KALRN: variants seen among roughly 807,000 people sequenced by gnomAD.
KALRN encodes kalirin.
Under a neutral mutation model 353.7 loss-of-function variants are expected in KALRN, and 70 were observed. The ratio of observed to expected loss-of-function variants is 0.20; its 90% CI spans 0.16 to 0.24. The LOEUF (loss-of-function observed/expected upper bound fraction) is 0.24. Among genes scored for constraint, KALRN ranks in the 10% least tolerant of loss-of-function variants. The pLI, the probability that KALRN is intolerant of heterozygous loss-of-function variation, is 1.00. For missense variants in KALRN, 2,791 were observed against 3,756.7 expected, an observed-to-expected ratio of 0.74 and a Z score of 6.72; for synonymous variants, 1,391 against 1,434.8, an observed-to-expected ratio of 0.97 and a Z score of 0.69.
chr3:124,243,890 C>T (rs2080806110), intron 3 of KALRN, among the ~76,000 whole-genome samples: 3 of 152,174 alleles, frequency 2.0e-5, no homozygotes, highest in African/African-American at 7.2e-5. Flanking sequence ...TCTTTCCCTT[C>T]CCTTGCTTGA....
intron 1 of KALRN, among the ~76,000 whole-genome samples, chr3:124,117,964 A>G (rs1322724818): frequency 6.6e-6 from 1 of 152,214 alleles, no homozygotes; most frequent in Admixed American, 6.5e-5. Context: ...TAAAAATTTT[A>G]GAAATGACAT....
intron 10 of KALRN, among the ~76,000 whole-genome samples, chr3:124,380,893 TGAG>T: frequency 6.6e-6 from 1 of 152,290 alleles, no homozygotes; most frequent in East Asian, 1.9e-4. Flanking sequence ...AGGTAGTTGA[TGAG>T]GAGTGAGGGT....
chr3:124,230,656 C>G (rs779661634), intron 2 of KALRN, among the ~76,000 whole-genome samples: 12 of 152,028 alleles, frequency 7.9e-5, no homozygotes, highest in African/African-American at 1.2e-4. Context: ...TAGCTCTCCC[C>G]CATTTGCCAG....
chr3:124,616,252 C>G (rs187992287), intron 34 of KALRN, among the ~76,000 whole-genome samples: 27 of 152,280 alleles, frequency 1.8e-4, no homozygotes, highest in Admixed American at 1.6e-3. Context: ...CTCTTCCCCC[C>G]AGCCTCTATA....
At chr3:124,300,976 G>A (rs1362701256) in intron 6 of KALRN, among the ~76,000 whole-genome samples, 1 of 152,208 alleles carries the variant, frequency 6.6e-6, no homozygotes, top group Admixed American at 6.5e-5. Flanking sequence ...ATCTAGTCAA[G>A]TCTGATTATT....
chr3:124,052,443 A>G (rs2041130549), intron 1 of KALRN, among the ~76,000 whole-genome samples: 1 of 152,046 alleles, frequency 6.6e-6, no homozygotes, highest in African/African-American at 2.4e-5. Context: ...TCCAAGGTAC[A>G]GGGAGGACTA....
intron 21 of KALRN, among the ~76,000 whole-genome samples, chr3:124,449,759 G>A (rs2058597092): frequency 6.6e-6 from 1 of 152,160 alleles, no homozygotes; most frequent in Non-Finnish European, 1.5e-5. Flanking sequence ...CTATGGGTTT[G>A]CCTGTTTGGG....
chr3:124,204,599 G>T (rs2076243932), intron 1 of KALRN, among the ~76,000 whole-genome samples: 248 of 140,442 alleles, frequency 1.8e-3, no homozygotes, highest in East Asian at 5.0e-3. Flanking sequence ...GTAGATCAAA[G>T]AAAAAAATTC....
At chr3:124,350,780 C>T (rs894559002) in intron 10 of KALRN, among the ~76,000 whole-genome samples, 2 of 152,184 alleles carry the variant, frequency 1.3e-5, no homozygotes, top group African/African-American at 4.8e-5. Flanking sequence ...AGAGTTCTAA[C>T]TTCCAAAAGG....
chr3:124,189,611 T>C (rs2074653814), intron 1 of KALRN, among the ~76,000 whole-genome samples: 1 of 151,980 alleles, frequency 6.6e-6, no homozygotes, highest in South Asian at 2.1e-4. Context: ...AAGACCAGCC[T>C]GGCCAACATG....
intron 33 of KALRN, among the ~76,000 whole-genome samples, chr3:124,521,681 C>T (rs1422819685): frequency 6.6e-6 from 1 of 152,046 alleles, no homozygotes; most frequent in African/African-American, 2.4e-5. Flanking sequence ...TGAACTAAAT[C>T]CCTCAGGGTG....
chr3:124,366,886 A>C (rs1576326786), intron 10 of KALRN, among the ~76,000 whole-genome samples: 7 of 111,354 alleles, frequency 6.3e-5, no homozygotes, highest in South Asian at 3.0e-4. Context: ...CGGGGGGCTG[A>C]CCCCCCCACC....
chr3:124,529,793 G>GAA (rs372015719), intron 33 of KALRN, among the ~76,000 whole-genome samples: 104 of 136,156 alleles, frequency 7.6e-4, no homozygotes, highest in African/African-American at 2.7e-3. Flanking sequence ...TGGGAAGATG[G>GAA]AAAAAAAAAA....
At position 124,694,415 on chromosome 3, in the gene KALRN, C is replaced by A; in HGVS notation, c.7489C>A (p.Arg2497=). 1.2e-6 allele frequency: 2 copies of A among 1,614,116 alleles called. No individual in the cohort carries two copies. Among genetic ancestry groups the A allele is most frequent in the Non-Finnish European group, 1.7e-6 (2 of 1,179,956 alleles). The change falls in exon 53 of 60, where the codon CGG becomes AGG. Residue 2497 remains arginine (R), a synonymous_variant. Coordinates refer to ENST00000682506, the MANE Select transcript of KALRN (RefSeq NM_001388419.1). ...GATACTGCAGTGCAAAGTCTGTGGG[C>A]GGCCAAAGCCCACCATCACTTGGAA... is the stretch of plus-strand genomic sequence containing the variant. ...TVILQCKVCG[R]PKPTITWKGP...
intron 1 of KALRN, among the ~76,000 whole-genome samples, chr3:124,227,465 A>G (rs1348977180): frequency 6.6e-6 from 1 of 152,104 alleles, no homozygotes. Context: ...TGTAAAATAA[A>G]GACTAATAGT....
chr3:124,686,497 C>T (rs57345571), intron 51 of KALRN, among the ~76,000 whole-genome samples: 3 of 152,120 alleles, frequency 2.0e-5, no homozygotes, highest in Non-Finnish European at 1.5e-5. Context: ...TGTGGGCAGT[C>T]TTAGAGAAGG....
chr3:124,130,682 G>A (rs549452936), intron 1 of KALRN, among the ~76,000 whole-genome samples: 22 of 152,164 alleles, frequency 1.4e-4, no homozygotes, highest in Non-Finnish European at 2.9e-4. Flanking sequence ...GTACAAGAAT[G>A]TTCATATCAG....
intron 52 of KALRN, 123 bp from the exon 53 acceptor site, chr3:124,694,209 C>T (rs1273739245): frequency 1.6e-5 from 15 of 931,732 alleles, no homozygotes; most frequent in Non-Finnish European, 2.4e-5. Flanking sequence ...CAGTGTTATA[C>T]TGAAGGTTAT....
At chr3:124,535,068 T>A (rs886319208) in intron 33 of KALRN, among the ~76,000 whole-genome samples, 3 of 152,106 alleles carry the variant, frequency 2.0e-5, no homozygotes, top group African/African-American at 7.2e-5. Flanking sequence ...TAAACTTGGC[T>A]CTGTTTCTGC....
Sources: allele counts gnomAD v4.1 joint callset (sites outside exome capture counted in the v4.1 genomes callset), GRCh38; gene constraint gnomAD v4.1.1; transcripts MANE v1.5; gene names NCBI Gene and HGNC (gene_info 2026-07-23, HGNC 2026-07-21).